CHN2: variants seen among roughly 807,000 people sequenced by gnomAD.
The protein encoded by CHN2 is beta-chimaerin.
CHN2 carries 35 observed loss-of-function variants against 56.3 expected under a neutral mutation model. The ratio of observed to expected loss-of-function variants is 0.62; its 90% CI spans 0.47 to 0.82. CHN2 has a LOEUF of 0.82. Ranked by LOEUF, CHN2 falls within the 40% of genes least tolerant of loss-of-function variation. The pLI is 0.00. For missense variants in CHN2, 491 were observed against 580.5 expected, an observed-to-expected ratio of 0.85 and a Z score of 1.58; for synonymous variants, 210 against 212.8, an observed-to-expected ratio of 0.99 and a Z score of 0.12.
intron 2 of CHN2, among the ~76,000 whole-genome samples, chr7:29,149,650 A>G (rs1390501848): frequency 1.3e-5 from 2 of 152,194 alleles, no homozygotes; most frequent in African/African-American, 4.8e-5. Context: ...GGAGGCTACA[A>G]GTCTGAAATT....
intron 9 of CHN2, among the ~76,000 whole-genome samples, 163 bp from the exon 10 acceptor site, chr7:29,504,581 A>T (rs1405222237): frequency 6.6e-6 from 1 of 152,248 alleles, no homozygotes; most frequent in Admixed American, 6.5e-5. Flanking sequence ...GGAAATTGAG[A>T]CAGACAAGTC....
At chr7:29,380,522 A>G (rs909031436) in intron 3 of CHN2, among the ~76,000 whole-genome samples, 1 of 152,214 alleles carries the variant, frequency 6.6e-6, no homozygotes, top group Non-Finnish European at 1.5e-5. Context: ...AATTTTATCC[A>G]TCACTTTGAA....
At chr7:29,325,591 G>A (rs763992018) in intron 1 of CHN2, among the ~76,000 whole-genome samples, 2 of 152,162 alleles carry the variant, frequency 1.3e-5, no homozygotes, top group Non-Finnish European at 2.9e-5. Flanking sequence ...ATTAAAATGG[G>A]AGTACCTCTG....
intron 12 of CHN2, among the ~76,000 whole-genome samples, chr7:29,509,928 C>T (rs1354162644): frequency 1.3e-5 from 2 of 151,930 alleles, no homozygotes; most frequent in Admixed American, 6.6e-5. Flanking sequence ...GGGGAGGTTA[C>T]ACAGCTGATT....
intron 3 of CHN2, chr7:29,376,429 G>A (rs1391469175): frequency 2.0e-5 from 3 of 152,294 alleles, no homozygotes; most frequent in Admixed American, 6.5e-5. Context: ...AGTGAGTCAC[G>A]GAGTGTGATC....
chr7:29,194,977 G>A lies in CHN2; in HGVS notation c.36G>A (p.Ser12=). Residue 12 remains serine, a synonymous_variant, in exon 1 of 13, where the codon TCG becomes TCA. Transcript: ENST00000222792. ...CCAGCAACTCCAGCCTGTCCGGCTCGTCGGTGTCCTCCGGTGAGTTTCAGC... is the reference window on the plus strand; with the variant it reads ...CCAGCAACTCCAGCCTGTCCGGCTCATCGGTGTCCTCCGGTGAGTTTCAGC... ...AASSNSSLSG[S]SVSSDAEEYQ... 3 of 1,586,448 alleles carry A rather than the reference G, an allele frequency of 1.9e-6. No individual in the cohort carries two copies. The highest frequency in any genetic ancestry group is 2.6e-6 in the Non-Finnish European group (3 of 1,169,016).
chr7:29,155,726 C>G (rs2128700478), intron 2 of CHN2, among the ~76,000 whole-genome samples: 1 of 152,348 alleles, frequency 6.6e-6, no homozygotes, highest in East Asian at 1.9e-4. Flanking sequence ...CAACCGTGGA[C>G]AGTCCTCCCT....
chr7:29,257,405 A>G (rs1044798738), intron 1 of CHN2, among the ~76,000 whole-genome samples: 3 of 152,074 alleles, frequency 2.0e-5, no homozygotes, highest in African/African-American at 7.2e-5. Flanking sequence ...CACTTCTTCC[A>G]TATGCCAGTG....
intron 6 of CHN2, among the ~76,000 whole-genome samples, chr7:29,461,817 TG>T (rs1785179805): frequency 7.4e-5 from 1 of 13,432 alleles, no homozygotes; most frequent in Non-Finnish European, 1.7e-4. Context: ...GTTGGTTCAT[TG>T]GATGGATGGA....
intron 2 of CHN2, among the ~76,000 whole-genome samples, chr7:29,363,947 G>A (rs1204357624): frequency 1.3e-5 from 2 of 152,038 alleles, no homozygotes; most frequent in African/African-American, 2.4e-5. Context: ...GGGGACAAGA[G>A]GATTGTTTGA....
At chr7:29,228,569 T>C (rs1786415031) in intron 1 of CHN2, among the ~76,000 whole-genome samples, 1 of 152,242 alleles carries the variant, frequency 6.6e-6, no homozygotes, top group African/African-American at 2.4e-5. Flanking sequence ...TCTATGTGAA[T>C]GTGTAACATG....
rs11397455 is a variant in CHN2 at position 29,487,206 on chromosome 7, GT to G, written c.654+6860del. On this transcript the variant is annotated intron_variant, in intron 7 of 12. Coordinates refer to ENST00000222792, the MANE Select transcript of CHN2 (RefSeq NM_004067.4). ...TTCAGAATGGTTGGGGGCTTGTTTTGTTTTTTTTTTGTTTGTTTGTTTTGTT... is the reference window on the plus strand; with the variant it reads ...TTCAGAATGGTTGGGGGCTTGTTTTGTTTTTTTTTGTTTGTTTGTTTTGTT... 9.1e-3 allele frequency among the ~76,000 whole-genome samples: 1,360 copies of G among 149,052 alleles called. 24 individuals carry two copies. Among genetic ancestry groups the G allele is most frequent in the African/African-American group, 0.031 (1,249 of 40,804 alleles).
At chr7:29,234,121 C>T (rs1786980777) in intron 1 of CHN2, among the ~76,000 whole-genome samples, 1 of 151,504 alleles carries the variant, frequency 6.6e-6, no homozygotes, top group Non-Finnish European at 1.5e-5. Flanking sequence ...GCGTGAGCCA[C>T]CGCGCCCGGC....
chr7:29,405,162 CAT>C (rs1412708098), intron 6 of CHN2, among the ~76,000 whole-genome samples: 18 of 115,060 alleles, frequency 1.6e-4, no homozygotes, highest in Non-Finnish European at 2.0e-4. Context: ...CTTATGTCAC[CAT>C]ACACACACAC....
intron 6 of CHN2, chr7:29,445,052 T>TC: frequency 6.7e-6 from 3 of 447,786 alleles, no homozygotes; most frequent in Non-Finnish European, 1.3e-5. Flanking sequence ...CAAAATTCTC[T>TC]CCCATTTTAG....
At chr7:29,157,907 TTCATTTTACTCTTCCTTA>T (rs1371111787) in intron 2 of CHN2, among the ~76,000 whole-genome samples, 1 of 152,238 alleles carries the variant, frequency 6.6e-6, no homozygotes, top group Admixed American at 6.5e-5. Flanking sequence ...CGGCAGTCCT[TTCATTTTACTCTTCCTTA>T]TGAAAATACT....
chr7:29,250,006 C>T (rs1233497876), intron 1 of CHN2, among the ~76,000 whole-genome samples: 1 of 152,226 alleles, frequency 6.6e-6, no homozygotes, highest in African/African-American at 2.4e-5. Context: ...AATATATCTG[C>T]ATTGCCAAGA....
intron 6 of CHN2, chr7:29,479,701 T>G (rs1585543435): frequency 3.8e-6 from 4 of 1,046,622 alleles, no homozygotes; most frequent in Admixed American, 4.9e-5. Flanking sequence ...GGCTGGGGGG[T>G]GTGTGCGCTG....
At chr7:29,172,438 A>T (rs934860815) in intron 2 of CHN2, among the ~76,000 whole-genome samples, 3 of 152,192 alleles carry the variant, frequency 2.0e-5, no homozygotes, top group Non-Finnish European at 4.4e-5. Flanking sequence ...TGTCTCATCT[A>T]TCATCATATT....
Sources: allele counts gnomAD v4.1 joint callset (sites outside exome capture counted in the v4.1 genomes callset), GRCh38; gene constraint gnomAD v4.1.1; transcripts MANE v1.5; gene names NCBI Gene and HGNC (gene_info 2026-07-23, HGNC 2026-07-21).